ELMO1: variants seen among roughly 807,000 people sequenced by gnomAD.
ELMO1 encodes the protein engulfment and cell motility protein 1.
A neutral mutation model predicts 98.9 loss-of-function variants in ELMO1; 26 were observed. That is an observed-to-expected ratio of 0.26 (90% CI 0.19 to 0.36). The LOEUF (loss-of-function observed/expected upper bound fraction) is 0.36, where lower values mean the gene tolerates loss of function less well. ELMO1 is among the 10% of genes least tolerant of loss of function. The pLI, the probability that ELMO1 is intolerant of heterozygous loss-of-function variation, is 1.00. For missense variants in ELMO1, 627 were observed against 935.2 expected (o/e 0.67, Z 4.30); for synonymous variants, 346 against 346.0 (o/e 1.00, Z 0.00).
chr7:36,860,559 C>T (rs1363849299), intron 21 of ELMO1, among the ~76,000 whole-genome samples: 1 of 152,186 alleles, frequency 6.6e-6, no homozygotes, highest in African/African-American at 2.4e-5. Flanking sequence ...AATTAATGTA[C>T]ACTGGGGAAA....
chr7:36,854,688 G>A lies in ELMO1; in HGVS notation c.*863C>T, dbSNP rs1802071598. 13 of 152,622 alleles carry A rather than the reference G, an allele frequency of 8.5e-5. No individual in the cohort carries two copies. Among genetic ancestry groups the A allele is most frequent in the Admixed American group, 8.5e-4 (13 of 15,280 alleles). 9.5% of individuals were successfully genotyped at this position (152,622 alleles called of 1,614,324 possible). On this transcript the variant is annotated 3_prime_UTR_variant, in exon 22 of 22. Transcript: ENST00000310758. ...CTCCCAGGAGAAGGTAACACCAAAC[G>A]CTTGGATAGCAACAGTCCGTCCTAG... is the stretch of plus-strand genomic sequence containing the variant.
chr7:37,075,900 C>T (rs1797550387), intron 15 of ELMO1, among the ~76,000 whole-genome samples: 1 of 152,070 alleles, frequency 6.6e-6, no homozygotes, highest in Non-Finnish European at 1.5e-5. Context: ...GTAATGCATT[C>T]ATTAATGTGA....
intron 15 of ELMO1, among the ~76,000 whole-genome samples, chr7:37,095,261 GAGAT>G (rs1784314028): frequency 6.6e-6 from 1 of 152,200 alleles, no homozygotes; most frequent in African/African-American, 2.4e-5. Flanking sequence ...CCATGAAATT[GAGAT>G]AAACATGAAA....
At chr7:37,190,828 A>G (rs1791519729) in intron 13 of ELMO1, among the ~76,000 whole-genome samples, 1 of 152,092 alleles carries the variant, frequency 6.6e-6, no homozygotes, top group South Asian at 2.1e-4. Flanking sequence ...ATTCATTTTG[A>G]AAAAAATTTC....
At chr7:37,074,582 C>A (rs908536386) in intron 15 of ELMO1, among the ~76,000 whole-genome samples, 2 of 152,176 alleles carry the variant, frequency 1.3e-5, no homozygotes, top group Non-Finnish European at 2.9e-5. Flanking sequence ...TCTTTGCTGT[C>A]CTATCTGAGT....
At chr7:37,078,089 T>A (rs917021057) in intron 15 of ELMO1, among the ~76,000 whole-genome samples, 13 of 152,186 alleles carry the variant, frequency 8.5e-5, no homozygotes, top group African/African-American at 3.1e-4. Context: ...CATGATGCTT[T>A]CAGAGGCCCC....
chr7:37,259,254 C>G lies in ELMO1; in HGVS notation c.340G>C (p.Val114Leu), dbSNP rs759109409. 7.4e-6 allele frequency: 12 copies of G among 1,614,014 alleles called. No homozygotes were observed. In the East Asian group the frequency reaches 2.4e-4, roughly 33 times the overall value. ...TTTATAAACTCCTGGGCAAACGTGA[C>G]ATCCCGGGAGAGGCTGGCCAAGTCC... is the stretch of plus-strand genomic sequence containing the variant. ...LKDLASLSRD[V>L]TFAQEFINLD... The change falls in exon 6 of 22, where the codon GTC (valine) becomes CTC (leucine). Residue 114 changes from valine to leucine, a missense_variant. Physicochemically the swap from Val to Leu is conservative, Grantham distance 32 (BLOSUM62 1). Transcript: ENST00000310758.
intron 16 of ELMO1, among the ~76,000 whole-genome samples, chr7:37,009,805 T>C (rs905503480): frequency 1.4e-4 from 22 of 152,236 alleles, no homozygotes; most frequent in African/African-American, 5.3e-4. Context: ...TTTAAAGACA[T>C]TTCTGAATTT....
At chr7:36,924,090 G>C (rs1257390330) in intron 16 of ELMO1, among the ~76,000 whole-genome samples, 3 of 152,240 alleles carry the variant, frequency 2.0e-5, no homozygotes, top group Admixed American at 2.0e-4. Flanking sequence ...TGAGAACTGT[G>C]TATTAGAACA....
At chr7:37,262,498 T>A (rs1355631271) in intron 5 of ELMO1, among the ~76,000 whole-genome samples, 1 of 152,184 alleles carries the variant, frequency 6.6e-6, no homozygotes, top group Non-Finnish European at 1.5e-5. Flanking sequence ...TCTCCTTCAC[T>A]CACCCCAGCG....
At chr7:36,866,692 T>C (rs772439286) in intron 20 of ELMO1, among the ~76,000 whole-genome samples, 1 of 152,198 alleles carries the variant, frequency 6.6e-6, no homozygotes, top group Non-Finnish European at 1.5e-5. Flanking sequence ...ATGGGTCTCA[T>C]GGCACAAAAT....
At chr7:36,902,190 C>G (rs1783616228) in intron 16 of ELMO1, among the ~76,000 whole-genome samples, 1 of 152,202 alleles carries the variant, frequency 6.6e-6, no homozygotes, top group South Asian at 2.1e-4. Context: ...CATCATGTGT[C>G]CTCAATTATA....
chr7:36,873,883 G>C (rs1278209411), intron 19 of ELMO1, among the ~76,000 whole-genome samples: 11 of 152,230 alleles, frequency 7.2e-5, no homozygotes, highest in Non-Finnish European at 2.9e-5. Context: ...TCCAAGTTCA[G>C]GCAGAAACCA....
intron 13 of ELMO1, among the ~76,000 whole-genome samples, chr7:37,168,744 C>G (rs1045439568): frequency 6.6e-6 from 1 of 152,166 alleles, no homozygotes; most frequent in African/African-American, 2.4e-5. Context: ...TCAGTCTGCC[C>G]CTACTGGGGG....
At chr7:37,153,592 G>A (rs1426498963) in intron 13 of ELMO1, among the ~76,000 whole-genome samples, 2 of 152,188 alleles carry the variant, frequency 1.3e-5, no homozygotes, top group African/African-American at 2.4e-5. Flanking sequence ...AGGGGTGTCT[G>A]CCACTGCTGA....
Position 37,337,402 on chromosome 7 carries a change from G to A in ELMO1, c.78+5211C>T, listed in dbSNP as rs1250212253. On this transcript the variant is annotated intron_variant, in intron 2 of 21. Transcript: ENST00000310758. ...GGGGTAAGGGAAGGGGGGAGGGATA[G>A]CATTAGGCGATATACCTAATGTTAA... Among the ~76,000 whole-genome samples, 5 of 151,908 alleles carry A rather than the reference G, an allele frequency of 3.3e-5. No individual in the cohort carries two copies. In the South Asian group the frequency reaches 8.3e-4, roughly 25 times the overall value.
intron 1 of ELMO1, among the ~76,000 whole-genome samples, chr7:37,371,484 C>A (rs945823897): frequency 1.3e-5 from 2 of 152,132 alleles, no homozygotes; most frequent in African/African-American, 4.8e-5. Flanking sequence ...TTTTAGCTTT[C>A]ATTTACTCGG....
At chr7:36,965,830 C>T (rs538611223) in intron 16 of ELMO1, among the ~76,000 whole-genome samples, 172 of 152,258 alleles carry the variant, frequency 1.1e-3, no homozygotes, top group Non-Finnish European at 2.1e-3. Flanking sequence ...ATCACATCCG[C>T]CTGTATGATG....
rs182397981 is a variant in ELMO1, at chr7:37,339,279, A to G, written c.78+3334T>C. Among the ~76,000 whole-genome samples, 93 of 152,334 alleles carry G rather than the reference A, an allele frequency of 6.1e-4. 1 individual carries two copies. The Middle Eastern group carries it at 0.02, about 33-fold the overall frequency. On this transcript the variant is annotated intron_variant, in intron 2 of 21. Transcript: ENST00000310758. ...GGGGCTGCATTTTGCACAAGCTGGT[A>G]TATGCATTTTGTACAAGCTCCCTGG...
Sources: allele counts gnomAD v4.1 joint callset (sites outside exome capture counted in the v4.1 genomes callset), GRCh38; gene constraint gnomAD v4.1.1; transcripts MANE v1.5; gene names NCBI Gene and HGNC (gene_info 2026-07-23, HGNC 2026-07-21).